The following ACCS variants were observed in gnomAD, a reference collection of about 807,000 sequenced individuals.
ACCS encodes 1-aminocyclopropane-1-carboxylate synthase-like protein 1.
Under a neutral mutation model 59.8 loss-of-function variants are expected in ACCS, and 42 were observed. The ratio of observed to expected loss-of-function variants is 0.70; its 90% CI spans 0.55 to 0.91. ACCS has a LOEUF of 0.91. Among genes scored for constraint, ACCS ranks in the 40% least tolerant of loss-of-function variants. ACCS has a pLI of 0.00. For missense variants in ACCS, 602 were observed against 630.4 expected, an observed-to-expected ratio of 0.95 and a Z score of 0.48; for synonymous variants, 230 against 240.3, an observed-to-expected ratio of 0.96 and a Z score of 0.40.
intron 1 of ACCS, among the ~76,000 whole-genome samples, chr11:44,066,954 C>T (rs1952819584): frequency 6.6e-6 from 1 of 152,340 alleles, no homozygotes; most frequent in South Asian, 2.1e-4. Flanking sequence ...TATGTCTTCA[C>T]GGCCACCCCG....
chr11:44,067,866 G>C lies in ACCS; in HGVS notation c.239G>C (p.Gly80Ala). The change falls in exon 2 of 15, where the codon GGC (glycine) becomes GCC (alanine). Residue 80 changes from glycine (G) to alanine (A), a missense_variant. Gly to Ala is a moderately conservative substitution (Grantham distance 60, BLOSUM62 0). Transcript: ENST00000263776. ...IKWFWDSAEE[G>A]YRTYHMDEYD... is the part of the protein sequence containing the mutation. ...TGGTTCTGGGATTCAGCTGAGGAGG[G>C]CTACAGGACCTACCACATGGATGAG... is the stretch of plus-strand genomic sequence containing the variant. The C allele has an allele frequency of 6.2e-7, 1 of 1,613,610 alleles. No homozygotes were observed. Among genetic ancestry groups the C allele is most frequent in the East Asian group, 2.2e-5 (1 of 44,888 alleles).
Position 44,067,669 on chromosome 11 carries a change from C to G in ACCS, c.42C>G (p.Thr14=). Residue 14 remains threonine, a synonymous_variant, in exon 2 of 15, where the codon ACC becomes ACG. Transcript: ENST00000263776. ...LPQKDFRAPT[T]CLGPTCMQDL... The stretch of plus-strand genomic sequence containing the variant: ...AAAAGGACTTCAGGGCTCCCACCAC[C>G]TGTCTGGGCCCCACCTGCATGCAGG... 6.2e-7 allele frequency: 1 copy of G among 1,613,652 alleles called. No homozygotes were observed. The highest frequency in any genetic ancestry group is 1.1e-5 in the South Asian group (1 of 91,040).
rs1048302440 is a variant in ACCS, at chr11:44,067,677, G to A, written c.50G>A (p.Gly17Asp). 1.2e-6 allele frequency: 2 copies of A among 1,613,958 alleles called. No homozygotes were observed. The highest frequency in any genetic ancestry group is 2.7e-5 in the African/African-American group (2 of 74,910). Residue 17 changes from glycine to aspartate, a missense_variant, in exon 2 of 15, where the codon GGC becomes GAC. Gly to Asp is a moderately conservative substitution (Grantham distance 94). Transcript: ENST00000263776. ...KDFRAPTTCL[G>D]PTCMQDLGSS... The stretch of plus-strand genomic sequence containing the variant: ...TTCAGGGCTCCCACCACCTGTCTGG[G>A]CCCCACCTGCATGCAGGACCTGGGC...
chr11:44,077,744 G>C (rs895008157), intron 7 of ACCS, 101 bp from the exon 8 acceptor site: 16 of 1,506,106 alleles, frequency 1.1e-5, no homozygotes, highest in Middle Eastern at 1.8e-4. Flanking sequence ...CTTCTGAGGA[G>C]GCTGGGGATT....
chr11:44,067,909 C>T lies in ACCS; in HGVS notation c.282C>T (p.Asn94=), dbSNP rs1485527873. The T allele has an allele frequency of 6.3e-7, 1 of 1,598,048 alleles. No individual in the cohort carries two copies. The highest frequency in any genetic ancestry group is 1.1e-5 in the South Asian group (1 of 88,226). Residue 94 remains asparagine (N), a synonymous_variant, in exon 2 of 15, where the codon AAC becomes AAT. Coordinates refer to ENST00000263776, the MANE Select transcript of ACCS (RefSeq NM_032592.4). ...YHMDEYDEDK[N]PSGIINLGTS... The stretch of plus-strand genomic sequence containing the variant: ...TGGATGAGTATGATGAGGACAAGAA[C>T]CCCAGTGTGAGTGAAGCTCCCCTCC...
chr11:44,081,327 G>C lies in ACCS; in HGVS notation c.1111+7G>C. On this transcript the variant is annotated splice_region_variant and intron_variant, in intron 12 of 14. Coordinates refer to ENST00000263776, the MANE Select transcript of ACCS (RefSeq NM_032592.4). ...CAGCTGCTCCGGGACCGTGGTGACT[G>C]CCTGGGCCTGGTGACCTGAAAATGG... The C allele has an allele frequency of 6.2e-7, 1 of 1,612,420 alleles. No individual in the cohort carries two copies. The highest frequency in any genetic ancestry group is 1.1e-5 in the South Asian group (1 of 91,030).
intron 12 of ACCS, among the ~76,000 whole-genome samples, 198 bp downstream of exon 12, chr11:44,081,518 G>A (rs1383497004): frequency 6.6e-6 from 1 of 152,246 alleles, no homozygotes; most frequent in African/African-American, 2.4e-5. Context: ...CTCTTTATCT[G>A]TATGAGCCTC....
chr11:44,077,535 C>T, intron 7 of ACCS, 159 bp downstream of exon 7: 8 of 1,453,870 alleles, frequency 5.5e-6, no homozygotes, highest in Non-Finnish European at 7.2e-6. Flanking sequence ...CTGGGTTCCC[C>T]AGTGGCTCCA....
At chr11:44,067,269 A>C in intron 1 of ACCS, 1 of 203,934 alleles carries the variant, frequency 4.9e-6, no homozygotes. Context: ...TAACTCAGGA[A>C]ATTTTAACCT....
In ACCS at chr11:44,083,454, ATGC is replaced by A. The variant is rs1181408701; in HGVS notation, c.1290_1292del (p.Leu431del). Reference sequence around the variant, plus strand: ...GCCCAAGGGCACCTTTGAGGAGGAAATGCTGCTCTGGCGCCGCTTTTTGGACAA... The same window carrying A: ...GCCCAAGGGCACCTTTGAGGAGGAAATGCTCTGGCGCCGCTTTTTGGACAA... On this transcript the variant is annotated inframe_deletion, in exon 14 of 15. Coordinates refer to ENST00000263776, the MANE Select transcript of ACCS (RefSeq NM_032592.4). 1 of 1,614,074 alleles carries A rather than the reference ATGC, an allele frequency of 6.2e-7. No homozygotes were observed. Among genetic ancestry groups the A allele is most frequent in the Non-Finnish European group, 8.5e-7 (1 of 1,180,034 alleles).
chr11:44,084,000 T>C lies in ACCS; in HGVS notation c.*208T>C. On this transcript the variant is annotated 3_prime_UTR_variant, in exon 15 of 15. Transcript: ENST00000263776. Reference sequence around the variant, plus strand: ...AGCCTGGGCCCTCCCTCTCTCCTATTAAACAAAACTAGGAGAGTCCATATG... The same window carrying C: ...AGCCTGGGCCCTCCCTCTCTCCTATCAAACAAAACTAGGAGAGTCCATATG... The C allele has an allele frequency of 9.4e-7, 1 of 1,064,032 alleles. No individual in the cohort carries two copies. Among genetic ancestry groups the C allele is most frequent in the Admixed American group, 3.0e-5 (1 of 33,824 alleles). 65.9% of individuals were successfully genotyped at this position (1,064,032 alleles called of 1,614,324 possible).
chr11:44,078,797 A>C lies in ACCS; in HGVS notation c.833+13A>C. ...TATTTGCCAAGAGGTGAGGCACCCC[A>C]CACTGGCCCCGACAGAGCGTCTGGG... is the stretch of plus-strand genomic sequence containing the variant. On this transcript the variant is annotated intron_variant, in intron 9 of 14. Transcript: ENST00000263776. 5 of 1,611,952 alleles carry C rather than the reference A, an allele frequency of 3.1e-6. No individual in the cohort carries two copies. Among genetic ancestry groups the C allele is most frequent in the Non-Finnish European group, 4.2e-6 (5 of 1,178,302 alleles).
At chr11:44,076,787 A>G (rs1346231895) in intron 6 of ACCS, among the ~76,000 whole-genome samples, 1 of 152,236 alleles carries the variant, frequency 6.6e-6, no homozygotes, top group Admixed American at 6.5e-5. Flanking sequence ...GAGACTGGGT[A>G]ATTTATAAAG....
At chr11:44,080,861 A>G in intron 10 of ACCS, 159 bp from the exon 11 acceptor site, 1 of 829,304 alleles carries the variant, frequency 1.2e-6, no homozygotes, top group South Asian at 1.7e-5. Flanking sequence ...CCCCTGCTCT[A>G]AAGGATGCAT....
intron 7 of ACCS, 121 bp downstream of exon 7, chr11:44,077,497 C>T: frequency 1.3e-6 from 2 of 1,507,222 alleles, no homozygotes; most frequent in Non-Finnish European, 1.8e-6. Flanking sequence ...GGGAATGGAG[C>T]CTTCTGTTGC....
In ACCS at chr11:44,083,929, T is replaced by A. The variant is rs1435787234; in HGVS notation, c.*137T>A. ...TTGGCTTTGTGCCTGAAGAACTGTTTCTTGTCTTTCGCTGTAGCAGTGGGA... is the reference window on the plus strand; with the variant it reads ...TTGGCTTTGTGCCTGAAGAACTGTTACTTGTCTTTCGCTGTAGCAGTGGGA... On this transcript the variant is annotated 3_prime_UTR_variant, in exon 15 of 15. Coordinates refer to ENST00000263776, the MANE Select transcript of ACCS (RefSeq NM_032592.4). 1.4e-6 allele frequency: 2 copies of A among 1,473,014 alleles called. No individual in the cohort carries two copies. Among genetic ancestry groups the A allele is most frequent in the African/African-American group, 2.8e-5 (2 of 71,210 alleles). The allele number at this position is 1,473,014 out of a possible 1,614,324, so 91.2% of individuals were successfully genotyped here. A position where few individuals can be genotyped will look rare whatever the true frequency, so the allele number is the denominator to read the frequency against.
chr11:44,080,718 G>C (rs1953600423), intron 10 of ACCS: 1 of 464,526 alleles, frequency 2.2e-6, no homozygotes, highest in Non-Finnish European at 3.9e-6. Flanking sequence ...GTCCCAGGGG[G>C]AGTGGTTAGG....
In ACCS at chr11:44,081,312, G is replaced by A. The variant is rs148829529; in HGVS notation, c.1103G>A (p.Arg368Gln). 8.8e-5 allele frequency: 142 copies of A among 1,613,722 alleles called. No individual in the cohort carries two copies. Among genetic ancestry groups the A allele is most frequent in the Non-Finnish European group, 1.2e-4 (136 of 1,179,804 alleles). Reference sequence around the variant, plus strand: ...CAGTACCAGATGGCACAGCTGCTCCGGGACCGTGGTGACTGCCTGGGCCTG... The same window carrying A: ...CAGTACCAGATGGCACAGCTGCTCCAGGACCGTGGTGACTGCCTGGGCCTG... ...LVQYQMAQLL[R>Q]DRDWINQVYL... Residue 368 changes from arginine to glutamine, a missense_variant, in exon 12 of 15, where the codon CGG becomes CAG. Transcript: ENST00000263776.
In ACCS at chr11:44,080,914, G is replaced by A. The variant is rs1953608109; in HGVS notation, c.924-106G>A. 4.2e-6 allele frequency: 6 copies of A among 1,429,844 alleles called. No homozygotes were observed. The South Asian group carries it at 7.2e-5, about 17-fold the overall frequency. The allele number at this position is 1,429,844 out of a possible 1,614,324, so 88.6% of individuals were successfully genotyped here. A position where few individuals can be genotyped will look rare whatever the true frequency, so the allele number is the denominator to read the frequency against. ...AGACATGAAACCAGGGCTTGTCCTG[G>A]AACCAAAACTAGATTCAACCACCCA... On this transcript the variant is annotated intron_variant, in intron 10 of 14. Coordinates refer to ENST00000263776, the MANE Select transcript of ACCS (RefSeq NM_032592.4).
Sources: allele counts gnomAD v4.1 joint callset (sites outside exome capture counted in the v4.1 genomes callset), GRCh38; gene constraint gnomAD v4.1.1; transcripts MANE v1.5; gene names NCBI Gene and HGNC (gene_info 2026-07-23, HGNC 2026-07-21).